ARHGEF28: variants seen among roughly 807,000 people sequenced by gnomAD.
ARHGEF28 encodes the protein Rho guanine nucleotide exchange factor 28.
In ARHGEF28, 152 loss-of-function variants were observed where a neutral mutation model predicts 206.6. That is an observed-to-expected ratio of 0.74 (90% CI 0.64 to 0.84). The LOEUF (loss-of-function observed/expected upper bound fraction) is 0.84, where lower values mean the gene tolerates loss of function less well. Ranked by LOEUF, ARHGEF28 falls within the 40% of genes least tolerant of loss-of-function variation. The pLI is 0.00. For synonymous variants in ARHGEF28, 763 were observed against 776.4 expected (o/e 0.98, Z 0.29); for missense variants, 2,028 against 2,073.2 (o/e 0.98, Z 0.42).
chr5:73,794,377 A>T (rs1754668287), intron 7 of ARHGEF28, 25 bp from the exon 8 acceptor site: 4 of 1,570,122 alleles, frequency 2.5e-6, no homozygotes, highest in African/African-American at 1.4e-5. Context: ...CCATCAGCAG[A>T]TCCTGATAAT....
intron 7 of ARHGEF28, among the ~76,000 whole-genome samples, chr5:73,789,440 T>G (rs2112476467): frequency 6.6e-6 from 1 of 152,246 alleles, no homozygotes; most frequent in Admixed American, 6.5e-5. Flanking sequence ...CGATTGCTAA[T>G]GCGTGTGGGG....
intron 3 of ARHGEF28, among the ~76,000 whole-genome samples, chr5:73,751,045 A>G (rs1751993322): frequency 6.6e-6 from 1 of 152,210 alleles, no homozygotes; most frequent in Non-Finnish European, 1.5e-5. Flanking sequence ...TTCTGAGACC[A>G]TCGGCAATTT....
At chr5:73,923,262 A>G (rs1337490161) in intron 35 of ARHGEF28, 2 of 1,090,020 alleles carry the variant, frequency 1.8e-6, no homozygotes, top group Admixed American at 2.7e-5. Context: ...ATGCTAAACA[A>G]GCAGTCTGAG....
In ARHGEF28 at chr5:73,932,673, A is replaced by C. The variant is rs541896632; in HGVS notation, c.4949-8171A>C. ...TTCTCATGACTCTAATTATATTAGA[A>C]TTTTCAAATTAAGTATTCACTAATT... On this transcript the variant is annotated intron_variant, in intron 35 of 35. Coordinates refer to ENST00000513042, the MANE Select transcript of ARHGEF28 (RefSeq NM_001177693.2). 1.4e-3 allele frequency among the ~76,000 whole-genome samples: 207 copies of C among 152,214 alleles called. 1 individual carries two copies. The highest frequency in any genetic ancestry group is 4.7e-3 in the African/African-American group (195 of 41,518).
chr5:73,827,188 T>C (rs1022094853), intron 9 of ARHGEF28, among the ~76,000 whole-genome samples: 1 of 152,206 alleles, frequency 6.6e-6, no homozygotes, highest in Non-Finnish European at 1.5e-5. Context: ...CAGTTAACCA[T>C]GTCCAGGATA....
At chr5:73,730,485 G>T (rs1270925339) in intron 2 of ARHGEF28, among the ~76,000 whole-genome samples, 1 of 149,036 alleles carries the variant, frequency 6.7e-6, no homozygotes, top group Non-Finnish European at 1.5e-5. Flanking sequence ...ACTTGATCAT[G>T]TATGCAACCT....
At chr5:73,639,222 C>A (rs2112134426) in intron 1 of ARHGEF28, among the ~76,000 whole-genome samples, 1 of 141,892 alleles carries the variant, frequency 7.0e-6, no homozygotes, top group South Asian at 2.1e-4. Context: ...TTTTCATTTT[C>A]TATTACATAT....
At chr5:73,674,373 C>T (rs1224959307) in intron 1 of ARHGEF28, among the ~76,000 whole-genome samples, 1 of 152,334 alleles carries the variant, frequency 6.6e-6, no homozygotes, top group East Asian at 1.9e-4. Flanking sequence ...GCTGGATTTA[C>T]ATCTGCTAAG....
At chr5:73,638,539 A>G (rs1387658552) in intron 1 of ARHGEF28, among the ~76,000 whole-genome samples, 1 of 152,224 alleles carries the variant, frequency 6.6e-6, no homozygotes, top group Non-Finnish European at 1.5e-5. Flanking sequence ...TGAAGACCAC[A>G]GCTTAAGCCA....
chr5:73,776,472 G>C lies in ARHGEF28; in HGVS notation c.660-44G>C, dbSNP rs553320007. ...CCTAAGGGCTGGGATCCTGGGGCTG[G>C]TGTCTTTGAAGCTCTGTGTGGGTTT... On this transcript the variant is annotated intron_variant, in intron 5 of 35. Coordinates refer to ENST00000513042, the MANE Select transcript of ARHGEF28 (RefSeq NM_001177693.2). The C allele has an allele frequency of 9.7e-6, 15 of 1,538,492 alleles. 1 individual carries two copies. In the South Asian group the frequency reaches 1.9e-4, roughly 19 times the overall value.
At chr5:73,633,148 G>C (rs1327533166) in intron 1 of ARHGEF28, among the ~76,000 whole-genome samples, 1 of 152,104 alleles carries the variant, frequency 6.6e-6, no homozygotes, top group East Asian at 1.9e-4. Flanking sequence ...TGCTCGGACG[G>C]GAGGTGGAGC....
intron 2 of ARHGEF28, among the ~76,000 whole-genome samples, chr5:73,748,704 C>G (rs544156903): frequency 5.3e-5 from 8 of 152,176 alleles, no homozygotes; most frequent in Non-Finnish European, 8.8e-5. Context: ...TGCTTCTCCA[C>G]GCAGGGCCGA....
In ARHGEF28 at chr5:73,864,989, G is replaced by A. The variant is rs559925333; in HGVS notation, c.2103+117G>A. 1.5e-4 allele frequency: 131 copies of A among 876,446 alleles called. No individual in the cohort carries two copies. The Middle Eastern group carries it at 1.6e-3, about 11-fold the overall frequency. The allele number at this position is 876,446 out of a possible 1,614,324, so 54.3% of individuals were successfully genotyped here. Reference sequence around the variant, plus strand: ...TTATTTCTAAAGCGATCATGATAGCGATAACATAACATATGCTCAAAGTGT... The same window carrying A: ...TTATTTCTAAAGCGATCATGATAGCAATAACATAACATATGCTCAAAGTGT... On this transcript the variant is annotated intron_variant, in intron 17 of 35. Coordinates refer to ENST00000513042, the MANE Select transcript of ARHGEF28 (RefSeq NM_001177693.2).
At chr5:73,890,905 C>T (rs1039979634) in intron 26 of ARHGEF28, among the ~76,000 whole-genome samples, 1 of 152,224 alleles carries the variant, frequency 6.6e-6, no homozygotes, top group Admixed American at 6.5e-5. Flanking sequence ...ATCTACCTAC[C>T]AAGCATCATC....
intron 35 of ARHGEF28, among the ~76,000 whole-genome samples, chr5:73,930,151 A>T (rs1764027744): frequency 6.6e-6 from 1 of 152,164 alleles, no homozygotes; most frequent in South Asian, 2.1e-4. Flanking sequence ...AGTGGTAAGG[A>T]TGTCTTCACT....
intron 1 of ARHGEF28, among the ~76,000 whole-genome samples, chr5:73,657,623 T>C (rs1286146109): frequency 2.0e-5 from 3 of 152,202 alleles, no homozygotes; most frequent in African/African-American, 4.8e-5. Flanking sequence ...GGGGGAGTCC[T>C]GTAATTGTGA....
At chr5:73,779,869 C>G (rs1753733876) in intron 6 of ARHGEF28, among the ~76,000 whole-genome samples, 1 of 152,168 alleles carries the variant, frequency 6.6e-6, no homozygotes, top group Non-Finnish European at 1.5e-5. Flanking sequence ...ATTCCTTTTA[C>G]TCCAGCTGCA....
intron 9 of ARHGEF28, among the ~76,000 whole-genome samples, chr5:73,817,376 A>T (rs975943722): frequency 2.0e-5 from 3 of 152,248 alleles, no homozygotes; most frequent in African/African-American, 4.8e-5. Flanking sequence ...TAATATTTAT[A>T]TGGTACCCTA....
At chr5:73,690,126 C>T (rs1241152290) in intron 2 of ARHGEF28, among the ~76,000 whole-genome samples, 1 of 151,946 alleles carries the variant, frequency 6.6e-6, no homozygotes, top group Non-Finnish European at 1.5e-5. Context: ...GATTATTGCT[C>T]TTAGTCTTCT....
Sources: gnomAD v4.1 joint callset for allele counts (sites outside exome capture counted in the v4.1 genomes callset) on GRCh38, gnomAD v4.1.1 for gene constraint, MANE v1.5 for transcripts, NCBI Gene and HGNC (gene_info 2026-07-23, HGNC 2026-07-21) for gene names.